The following VPS50 variants were observed in gnomAD, a reference collection of about 807,000 sequenced individuals.
The protein encoded by VPS50 is VPS50 subunit of EARP/GARPII complex.
VPS50 carries 70 observed loss-of-function variants against 139.7 expected under a neutral mutation model. That is an observed-to-expected ratio of 0.50 (90% CI 0.41 to 0.61). The LOEUF is 0.61. Among genes scored for constraint, VPS50 ranks in the 20% least tolerant of loss-of-function variants. VPS50 has a pLI of 0.00. For synonymous variants in VPS50, 365 were observed against 376.7 expected (o/e 0.97, Z 0.36); for missense variants, 921 against 1,133.7 (o/e 0.81, Z 2.69).
chr7:93,267,564 G>A (rs1040009832), intron 9 of VPS50, among the ~76,000 whole-genome samples: 1 of 152,162 alleles, frequency 6.6e-6, no homozygotes, highest in African/African-American at 2.4e-5. Flanking sequence ...AAGCCACAGT[G>A]CCTTAAACAC....
At chr7:93,321,277 A>C (rs1430078118) in intron 20 of VPS50, 2 of 152,200 alleles carry the variant, frequency 1.3e-5, no homozygotes, top group Non-Finnish European at 2.9e-5. Context: ...GCTCAAACCT[A>C]CCAGCCTCGC....
intron 10 of VPS50, 109 bp downstream of exon 10, chr7:93,271,371 G>A: frequency 7.5e-7 from 1 of 1,338,164 alleles, no homozygotes; most frequent in Admixed American, 3.1e-5. Context: ...AATGTCTCTA[G>A]ATCACTGTAT....
chr7:93,278,838 A>C (rs1243925849), intron 12 of VPS50, among the ~76,000 whole-genome samples: 1 of 151,922 alleles, frequency 6.6e-6, no homozygotes, highest in East Asian at 1.9e-4. Flanking sequence ...TATATCTATA[A>C]GGAAACCAAT....
chr7:93,276,740 A>C (rs914717580), intron 12 of VPS50, among the ~76,000 whole-genome samples: 3 of 152,158 alleles, frequency 2.0e-5, no homozygotes, highest in Admixed American at 2.0e-4. Flanking sequence ...ATAGGTCTTT[A>C]GGTAATATAA....
intron 17 of VPS50, 128 bp from the exon 18 acceptor site, chr7:93,305,700 A>G (rs143665083): frequency 2.6e-4 from 186 of 702,190 alleles, no homozygotes; most frequent in Admixed American, 3.9e-4. Flanking sequence ...TGAAAGATTT[A>G]AAAGTCAATA....
chr7:93,354,269 C>T (rs1798635006), intron 26 of VPS50, among the ~76,000 whole-genome samples: 1 of 149,972 alleles, frequency 6.7e-6, no homozygotes, highest in Admixed American at 6.6e-5. Flanking sequence ...CATATGTACC[C>T]CTGATTTCTT....
chr7:93,337,573 T>C (rs1234207462), intron 22 of VPS50, among the ~76,000 whole-genome samples: 7 of 152,210 alleles, frequency 4.6e-5, no homozygotes, highest in Non-Finnish European at 2.9e-5. Flanking sequence ...GTAACTGCTA[T>C]TATAAGTATG....
chr7:93,303,603 C>A, intron 17 of VPS50, 53 bp downstream of exon 17: 1 of 737,040 alleles, frequency 1.4e-6, no homozygotes, highest in Non-Finnish European at 2.2e-6. Context: ...GTATTTTACC[C>A]TTTTTTTTGA....
intron 10 of VPS50, 117 bp from the exon 11 acceptor site, chr7:93,272,518 A>G: frequency 2.2e-6 from 1 of 456,808 alleles, no homozygotes; most frequent in Non-Finnish European, 3.9e-6. Context: ...ATCTGGTATG[A>G]TAGTAAATGT....
At chr7:93,344,713 T>C (rs1328500312) in intron 23 of VPS50, among the ~76,000 whole-genome samples, 2 of 150,522 alleles carry the variant, frequency 1.3e-5, no homozygotes, top group East Asian at 1.9e-4. Flanking sequence ...AAACTGAACC[T>C]GCTCCTGAAT....
At chr7:93,262,255 A>G (rs1166534569) in intron 9 of VPS50, among the ~76,000 whole-genome samples, 1 of 152,212 alleles carries the variant, frequency 6.6e-6, no homozygotes, top group African/African-American at 2.4e-5. Context: ...TTAAAAATCT[A>G]TTTTAGCTAT....
At chr7:93,319,686 C>A (rs1562885162) in intron 20 of VPS50, among the ~76,000 whole-genome samples, 1 of 152,042 alleles carries the variant, frequency 6.6e-6, no homozygotes, top group Non-Finnish European at 1.5e-5. Context: ...AGTATGTGGA[C>A]TCTTTTGATC....
intron 10 of VPS50, among the ~76,000 whole-genome samples, chr7:93,272,417 C>T (rs1796036129): frequency 6.6e-6 from 1 of 151,850 alleles, no homozygotes; most frequent in Non-Finnish European, 1.5e-5. Context: ...TAGAAATTCA[C>T]ATGTTAATAT....
Position 93,272,656 on chromosome 7 carries a change from T to C in VPS50, c.724T>C (p.Ser242Pro). The C allele has an allele frequency of 6.4e-7, 1 of 1,556,196 alleles. No homozygotes were observed. Among genetic ancestry groups the C allele is most frequent in the Non-Finnish European group, 8.8e-7 (1 of 1,137,174 alleles). Residue 242 changes from serine (S) to proline (P), a missense_variant, in exon 11 of 28, where the codon TCC (serine) becomes CCC (proline). Ser to Pro is a moderately conservative substitution (Grantham distance 74). Transcript: ENST00000305866. ...ATAGGAACAGCTGGACGTAGCTCTT[T>C]CCAAAATCTGCAAGAATTTTGACAT... ...QIEEQLDVAL[S>P]KICKNFDINH...
At position 93,359,403 on chromosome 7, in the gene VPS50, C is replaced by T. The variant is rs1798789994; in HGVS notation, c.*967C>T. ...TTATAACACAAATGTAAAATAGTAT[C>T]AGTCTAGCCAATGATGAACTCTGGA... On this transcript the variant is annotated 3_prime_UTR_variant, in exon 28 of 28. Transcript: ENST00000305866. The T allele has an allele frequency of 1.3e-5, 2 of 152,080 alleles. No individual in the cohort carries two copies. Among genetic ancestry groups the T allele is most frequent in the African/African-American group, 2.4e-5 (1 of 41,424 alleles). 9.4% of individuals were successfully genotyped at this position (152,080 alleles called of 1,614,324 possible).
intron 5 of VPS50, among the ~76,000 whole-genome samples, chr7:93,256,835 A>G (rs553406951): frequency 3.3e-5 from 5 of 152,240 alleles, no homozygotes; most frequent in Non-Finnish European, 5.9e-5. Context: ...AATTGCTCCC[A>G]TTAACATTTA....
intron 2 of VPS50, among the ~76,000 whole-genome samples, chr7:93,249,524 A>G (rs1341275090): frequency 6.6e-6 from 1 of 152,130 alleles, no homozygotes; most frequent in African/African-American, 2.4e-5. Context: ...AGATGAAAGT[A>G]CTCAATTGTT....
chr7:93,287,394 C>T (rs17783483), intron 12 of VPS50, among the ~76,000 whole-genome samples: 4,218 of 150,480 alleles, frequency 0.028, 95 homozygotes, highest in Middle Eastern at 0.052. Context: ...TCAGCAAATC[C>T]TCAAGAGATA....
In VPS50 at chr7:93,233,914, T is replaced by C. The variant is rs145007308; in HGVS notation, c.33+1414T>C. 1.8e-3 allele frequency among the ~76,000 whole-genome samples: 268 copies of C among 152,364 alleles called. 1 individual carries two copies. Among genetic ancestry groups the C allele is most frequent in the African/African-American group, 6.3e-3 (260 of 41,586 alleles). Reference sequence around the variant, plus strand: ...AGGCGTTAACGGAGTTCCTGGGCATTATCAAGGAAGTGCTTGAACGCAGAG... The same window carrying C: ...AGGCGTTAACGGAGTTCCTGGGCATCATCAAGGAAGTGCTTGAACGCAGAG... On this transcript the variant is annotated intron_variant, in intron 1 of 27. Coordinates refer to ENST00000305866, the MANE Select transcript of VPS50 (RefSeq NM_017667.4).
Sources: allele counts gnomAD v4.1 joint callset (sites outside exome capture counted in the v4.1 genomes callset), GRCh38; gene constraint gnomAD v4.1.1; transcripts MANE v1.5; gene names NCBI Gene and HGNC (gene_info 2026-07-23, HGNC 2026-07-21).